The following EXOSC8 variants were observed in gnomAD, a reference collection of about 807,000 sequenced individuals.
The protein encoded by EXOSC8 is exosome component 8, also known as exosome complex component RRP43.
A neutral mutation model predicts 39.9 loss-of-function variants in EXOSC8; 37 were observed. The ratio of observed to expected loss-of-function variants is 0.93; its 90% CI spans 0.71 to 1.22. EXOSC8 has a LOEUF of 1.22. Ranked by LOEUF, EXOSC8 falls within the 50% of genes most tolerant of loss-of-function variation. The probability of loss-of-function intolerance (pLI) is 0.00; values close to 1 mark genes in which losing one functional copy is unlikely to be tolerated. For synonymous variants in EXOSC8, 93 were observed against 109.5 expected (o/e 0.85, Z 0.94); for missense variants, 313 against 326.6 (o/e 0.96, Z 0.32).
At chr13:37,002,184 C>A in intron 1 of EXOSC8, 89 bp from the exon 2 acceptor site, 1 of 921,518 alleles carries the variant, frequency 1.1e-6, no homozygotes, top group Non-Finnish European at 1.8e-6. Context: ...ATTTATGCTG[C>A]ATCACCACAC....
chr13:37,003,273 T>C, intron 4 of EXOSC8: 1 of 379,472 alleles, frequency 2.6e-6, no homozygotes, highest in Non-Finnish European at 4.8e-6. Flanking sequence ...ATTTGAGACA[T>C]TAACAGATTT....
chr13:37,003,495 A>G (rs886211819), intron 4 of EXOSC8: 1 of 154,504 alleles, frequency 6.5e-6, no homozygotes, highest in African/African-American at 2.4e-5. Context: ...TGTTTTACAG[A>G]TGACTTTCAG....
At position 37,004,548 on chromosome 13, in the gene EXOSC8, T is replaced by G; in HGVS notation, c.225T>G (p.Asp75Glu). The G allele has an allele frequency of 6.2e-7, 1 of 1,605,036 alleles. No homozygotes were observed. The highest frequency in any genetic ancestry group is 8.5e-7 in the Non-Finnish European group (1 of 1,172,556). The change falls in exon 5 of 11, where the codon GAT becomes GAG. Residue 75 changes from aspartate to glutamate, a missense_variant. Transcript: ENST00000389704. Reference protein sequence around the residue: ...EFAAPSTDAPDKGYVVPNVDL... With the variant: ...EFAAPSTDAPEKGYVVPNVDL... ...CAGCACCATCAACAGATGCCCCTGA[T>G]AAAGGATACGTTGGTAAGTTAAATG...
chr13:37,004,387 T>C (rs1367255669), intron 4 of EXOSC8, 129 bp from the exon 5 acceptor site: 2 of 646,900 alleles, frequency 3.1e-6, no homozygotes, highest in South Asian at 1.9e-5. Context: ...TCAGCACCAA[T>C]GTCCGTAGAG....
chr13:37,000,967 G>A (rs1364284684), intron 1 of EXOSC8, 145 bp downstream of exon 1: 2 of 1,041,290 alleles, frequency 1.9e-6, no homozygotes, highest in East Asian at 5.7e-5. Context: ...TGGGCGGGAG[G>A]ACCTGGAGGT....
intron 5 of EXOSC8, among the ~76,000 whole-genome samples, chr13:37,005,669 C>T (rs1314359585): frequency 6.6e-6 from 1 of 151,816 alleles, no homozygotes; most frequent in Admixed American, 6.6e-5. Flanking sequence ...CGATCGAGAC[C>T]ATCTTGGCCA....
chr13:37,004,436 C>T, intron 4 of EXOSC8, 80 bp from the exon 5 acceptor site: 1 of 939,880 alleles, frequency 1.1e-6, no homozygotes, highest in Non-Finnish European at 1.7e-6. Context: ...TTGATAGAGC[C>T]TTCCATAACT....
chr13:37,002,947 C>T lies in EXOSC8; in HGVS notation c.132C>T (p.Thr44=), dbSNP rs751422606. 3.1e-6 allele frequency: 5 copies of T among 1,609,278 alleles called. No homozygotes were observed. The highest frequency in any genetic ancestry group is 1.1e-5 in the South Asian group (1 of 90,962). ...TTATCTTTTCAGGTTCAATTAGTAC[C>T]GCAGATGGTTCTGCTTTAGTGAAGT... ...TTTVNIGSIS[T]ADGSALVKLG... The change falls in exon 4 of 11, where the codon ACC becomes ACT. Residue 44 remains threonine, a synonymous_variant. Transcript: ENST00000389704.
At position 37,005,923 on chromosome 13, in the gene EXOSC8, C is replaced by A; in HGVS notation, c.242C>A (p.Pro81His). The A allele has an allele frequency of 6.9e-7, 1 of 1,448,770 alleles. No individual in the cohort carries two copies. Among genetic ancestry groups the A allele is most frequent in the Non-Finnish European group, 9.6e-7 (1 of 1,036,330 alleles). 89.7% of individuals were successfully genotyped at this position (1,448,770 alleles called of 1,614,324 possible). A position where few individuals can be genotyped will look rare whatever the true frequency, so the allele number is the denominator to read the frequency against. The change falls in exon 6 of 11, where the codon CCT becomes CAT. Residue 81 changes from proline to histidine, a missense_variant. Physicochemically the swap from Pro to His is moderately conservative, Grantham distance 77 (BLOSUM62 -2). Transcript: ENST00000389704. The part of the protein sequence containing the change: ...TDAPDKGYVV[P>H]NVDLPPLCSS... ...AGCTGCAGAGTGTTTCTTTCAGTTCCTAATGTGGATCTACCACCCCTGTGT... is the reference window on the plus strand; with the variant it reads ...AGCTGCAGAGTGTTTCTTTCAGTTCATAATGTGGATCTACCACCCCTGTGT...
chr13:37,001,163 A>T (rs559285357), intron 1 of EXOSC8, among the ~76,000 whole-genome samples: 1 of 152,290 alleles, frequency 6.6e-6, no homozygotes, highest in East Asian at 1.9e-4. Flanking sequence ...TAATCCCAGC[A>T]CTTTGGAGGA....
In EXOSC8 at chr13:37,002,971, G is replaced by T. The variant is rs1371299812; in HGVS notation, c.156G>T (p.Lys52Asn). The T allele has an allele frequency of 1.2e-6, 2 of 1,610,184 alleles. No homozygotes were observed. The highest frequency in any genetic ancestry group is 2.7e-5 in the African/African-American group (2 of 74,822). The change falls in exon 4 of 11, where the codon AAG becomes AAT. Residue 52 changes from lysine to asparagine, a missense_variant. By Grantham distance (94) the Lys-to-Asn change is moderately conservative (BLOSUM62 0). Transcript: ENST00000389704. Reference protein sequence around the residue: ...ISTADGSALVKLGNTTVICGV... With the variant: ...ISTADGSALVNLGNTTVICGV... ...CCGCAGATGGTTCTGCTTTAGTGAA[G>T]TTGGGAAATACTACAGTAATCTGTG...
chr13:37,004,936 G>A (rs981819073), intron 5 of EXOSC8, among the ~76,000 whole-genome samples: 1 of 152,050 alleles, frequency 6.6e-6, no homozygotes, highest in Non-Finnish European at 1.5e-5. Context: ...GGAAACAAAG[G>A]AGACCCCGTA....
At position 37,002,839 on chromosome 13, in the gene EXOSC8, A is replaced by T. The variant is rs528103305; in HGVS notation, c.119-95A>T. 31 of 836,466 alleles carry T rather than the reference A, an allele frequency of 3.7e-5. 1 individual carries two copies. In the South Asian group the frequency reaches 4.5e-4, roughly 12 times the overall value. 51.8% of individuals were successfully genotyped at this position (836,466 alleles called of 1,614,324 possible). A position where few individuals can be genotyped will look rare whatever the true frequency, so the allele number is the denominator to read the frequency against. ...CTGAGAGGGGTAGCAAGATAATCGTACACAGCAAACTAAAACACTTAATTT... is the reference window on the plus strand; with the variant it reads ...CTGAGAGGGGTAGCAAGATAATCGTTCACAGCAAACTAAAACACTTAATTT... On this transcript the variant is annotated intron_variant, in intron 3 of 10. Transcript: ENST00000389704.
intron 3 of EXOSC8, 138 bp from the exon 4 acceptor site, chr13:37,002,796 T>G (rs2059115143): frequency 1.4e-6 from 1 of 690,492 alleles, no homozygotes; most frequent in East Asian, 2.7e-5. Context: ...TATTCTAACT[T>G]GAAATATTCA....
chr13:37,007,321 A>G (rs547442939), intron 8 of EXOSC8, among the ~76,000 whole-genome samples: 4 of 152,258 alleles, frequency 2.6e-5, no homozygotes, highest in East Asian at 3.9e-4. Flanking sequence ...TTGGTGGGAG[A>G]AGGAGACAAG....
Position 37,009,278 on chromosome 13 carries a change from T to C in EXOSC8, c.810T>C (p.Ile270=). ...KEVKKLMDEV[I]KSMKPK ...TTAAAAAACTGATGGATGAAGTAAT[T>C]AAGAGTATGAAACCCAAATAAACAG... Residue 270 remains isoleucine, a synonymous_variant, in exon 11 of 11, where the codon ATT becomes ATC. Transcript: ENST00000389704. The C allele has an allele frequency of 1.9e-6, 3 of 1,603,416 alleles. No individual in the cohort carries two copies. The highest frequency in any genetic ancestry group is 4.5e-5 in the East Asian group (2 of 44,778).
chr13:37,001,589 A>G (rs1340101712), intron 1 of EXOSC8: 1 of 152,254 alleles, frequency 6.6e-6, no homozygotes, highest in African/African-American at 2.4e-5. Flanking sequence ...GAAATCCATT[A>G]TGTTGAAATA....
chr13:37,008,700 T>G, intron 9 of EXOSC8, 29 bp from the exon 10 acceptor site: 5 of 1,393,884 alleles, frequency 3.6e-6, no homozygotes, highest in Non-Finnish European at 4.0e-6. Flanking sequence ...TTCCATGGAT[T>G]GATAACTTAT....
intron 1 of EXOSC8, chr13:37,001,715 A>C (rs2059106836): frequency 1.3e-5 from 2 of 152,448 alleles, no homozygotes; most frequent in Non-Finnish European, 1.5e-5. Flanking sequence ...CTGGGATTTC[A>C]AAGTAACGGT....
Sources: gnomAD v4.1 joint callset for allele counts (sites outside exome capture counted in the v4.1 genomes callset) on GRCh38, gnomAD v4.1.1 for gene constraint, MANE v1.5 for transcripts, NCBI Gene and HGNC (gene_info 2026-07-23, HGNC 2026-07-21) for gene names.